Variants in DYSF observed in about 807,000 individuals in gnomAD.
DYSF encodes the protein dysferlin.
DYSF carries 212 observed loss-of-function variants against 274.9 expected under a neutral mutation model. The ratio of observed to expected loss-of-function variants is 0.77; its 90% CI spans 0.69 to 0.86. The LOEUF (loss-of-function observed/expected upper bound fraction) is 0.86. Among genes scored for constraint, DYSF ranks in the 40% least tolerant of loss-of-function variants. DYSF has a pLI of 0.00. For missense variants in DYSF, 2,666 were observed against 2,783.2 expected, an observed-to-expected ratio of 0.96 and a Z score of 0.95; for synonymous variants, 1,091 against 1,078.7, an observed-to-expected ratio of 1.01 and a Z score of -0.22.
In DYSF at chr2:71,656,130, T is replaced by G. The variant is rs551857506; in HGVS notation, c.4627-32T>G. Reference sequence around the variant, plus strand: ...TGTTGTTCTACTTTCTTTCTGTCTCTTGTCCCCTCCTCTAATCCCCATGTG... The same window carrying G: ...TGTTGTTCTACTTTCTTTCTGTCTCGTGTCCCCTCCTCTAATCCCCATGTG... On this transcript the variant is annotated intron_variant, in intron 42 of 55. Transcript: ENST00000410020. The G allele has an allele frequency of 2.0e-5, 32 of 1,614,014 alleles. No homozygotes were observed. The South Asian group carries it at 3.2e-4, about 16-fold the overall frequency.
intron 41 of DYSF, among the ~76,000 whole-genome samples, chr2:71,637,967 G>A (rs544561614): frequency 3.0e-4 from 45 of 152,236 alleles, no homozygotes; most frequent in Non-Finnish European, 5.6e-4. Flanking sequence ...TAGGCCATTC[G>A]TCTCAGCAGC....
At chr2:71,547,415 A>G (rs1331232876) in intron 17 of DYSF, among the ~76,000 whole-genome samples, 1 of 152,176 alleles carries the variant, frequency 6.6e-6, no homozygotes, top group Non-Finnish European at 1.5e-5. Flanking sequence ...TGGGAGGCTG[A>G]GGTGGGTGGA....
chr2:71,469,447 A>C (rs972578825), intron 1 of DYSF, among the ~76,000 whole-genome samples: 2 of 137,226 alleles, frequency 1.5e-5, no homozygotes, highest in African/African-American at 5.3e-5. Flanking sequence ...TTGAATGTGC[A>C]GTCAGGGTTG....
At position 71,664,367 on chromosome 2, in the gene DYSF, G is replaced by C; in HGVS notation, c.5103G>C (p.Thr1701=). The C allele has an allele frequency of 1.2e-6, 2 of 1,614,170 alleles. No homozygotes were observed. The highest frequency in any genetic ancestry group is 1.7e-6 in the Non-Finnish European group (2 of 1,180,040). ...CCAAGGACGAAAAGATCGGTGAGAC[G>C]GTCGTCGACCTGGAGAACAGGCTGC... The part of the protein sequence containing the change: ...LLSKDEKIGE[T]VVDLENRLLS... The change falls in exon 46 of 56, where the codon ACG becomes ACC. Residue 1701 remains threonine, a synonymous_variant. Coordinates refer to ENST00000410020, the MANE Select transcript of DYSF (RefSeq NM_001130987.2).
intron 30 of DYSF, among the ~76,000 whole-genome samples, chr2:71,579,347 C>T (rs548030334): frequency 6.6e-6 from 1 of 152,226 alleles, no homozygotes; most frequent in African/African-American, 2.4e-5. Flanking sequence ...GGGACAGAAA[C>T]GTCGGCAACG....
intron 10 of DYSF, among the ~76,000 whole-genome samples, chr2:71,518,098 G>A (rs2086846751): frequency 6.6e-6 from 1 of 152,108 alleles, no homozygotes; most frequent in Non-Finnish European, 1.5e-5. Context: ...GGAGGGAGAG[G>A]CAGTGGAGAG....
chr2:71,620,264 C>T lies in DYSF; in HGVS notation c.4465-283C>T, dbSNP rs114171096. ...TCCACGTGCCTTGCCTTGTGCTGGG[C>T]GTGCACAGCCTTCGTCTCATTCATA... On this transcript the variant is annotated intron_variant, in intron 40 of 55. Transcript: ENST00000410020. Among the ~76,000 whole-genome samples the T allele has an allele frequency of 4.0e-3, 607 of 152,290 alleles. 2 individuals are homozygous for T. The highest frequency in any genetic ancestry group is 0.014 in the African/African-American group (584 of 41,556).
chr2:71,587,738 C>T (rs2093120215), intron 30 of DYSF, among the ~76,000 whole-genome samples: 1 of 152,204 alleles, frequency 6.6e-6, no homozygotes, highest in African/African-American at 2.4e-5. Context: ...AGGGCCAGAA[C>T]TGGAGCCCGA....
intron 16 of DYSF, among the ~76,000 whole-genome samples, chr2:71,536,746 G>A (rs1490262324): frequency 6.6e-6 from 1 of 152,172 alleles, no homozygotes; most frequent in Admixed American, 6.5e-5. Context: ...CAGACTTGCT[G>A]TATTTTCCAA....
chr2:71,502,516 G>T (rs1242338733), intron 3 of DYSF, among the ~76,000 whole-genome samples: 2 of 152,118 alleles, frequency 1.3e-5, no homozygotes, highest in African/African-American at 4.8e-5. Context: ...TATATGGTGA[G>T]CCCACTTCAT....
chr2:71,605,360 A>T (rs1292198369), intron 36 of DYSF, among the ~76,000 whole-genome samples: 3 of 152,212 alleles, frequency 2.0e-5, no homozygotes, highest in African/African-American at 7.2e-5. Flanking sequence ...GAATGTGTGC[A>T]TGCACGTGTG....
intron 32 of DYSF, among the ~76,000 whole-genome samples, chr2:71,592,896 A>G (rs1316743950): frequency 1.3e-5 from 2 of 152,122 alleles, no homozygotes; most frequent in Non-Finnish European, 2.9e-5. Context: ...CCCAGAAAAC[A>G]CTTGTTGAAT....
In DYSF at chr2:71,611,548, C is replaced by T. The variant is rs145412880; in HGVS notation, c.4143C>T (p.Gly1381=). 1,040 of 1,613,888 alleles carry T rather than the reference C, an allele frequency of 6.4e-4. 2 individuals carry two copies. Among genetic ancestry groups the T allele is most frequent in the Non-Finnish European group, 8.5e-4 (1,002 of 1,180,008 alleles). Residue 1381 remains glycine (G), a synonymous_variant, in exon 38 of 56, where the codon GGC becomes GGT. Transcript: ENST00000410020. ...SSPSLVVECG[G]QTVQSCVIRN... ...CCAGCCTCGTGGTAGAGTGTGGGGG[C>T]CAGACGGTGCAGTCCTGTGTCATCA...
At chr2:71,636,636 T>G (rs866824955) in intron 41 of DYSF, among the ~76,000 whole-genome samples, 1 of 152,096 alleles carries the variant, frequency 6.6e-6, no homozygotes, top group African/African-American at 2.4e-5. Flanking sequence ...CAGTGGGAGA[T>G]GTCACATGGG....
intron 14 of DYSF, among the ~76,000 whole-genome samples, chr2:71,528,609 G>A (rs542244884): frequency 6.6e-6 from 1 of 152,318 alleles, no homozygotes; most frequent in East Asian, 1.9e-4. Context: ...GTCTGCCTGG[G>A]GGTGTCCCAG....
Position 71,664,513 on chromosome 2 carries a change from C to G in DYSF, c.5174+75C>G, listed in dbSNP as rs903206721. The G allele has an allele frequency of 2.7e-5, 43 of 1,573,342 alleles. 1 individual carries two copies. The Admixed American group carries it at 6.2e-4, about 23-fold the overall frequency. On this transcript the variant is annotated intron_variant, in intron 46 of 55. Transcript: ENST00000410020. ...TGTCTTCTCTGACAACACACCACCACTGAGCACTTACTGTGTGCCAGCCCT... is the reference window on the plus strand; with the variant it reads ...TGTCTTCTCTGACAACACACCACCAGTGAGCACTTACTGTGTGCCAGCCCT...
chr2:71,492,315 G>A (rs1391970439), intron 3 of DYSF, among the ~76,000 whole-genome samples: 4 of 152,160 alleles, frequency 2.6e-5, no homozygotes, highest in African/African-American at 7.2e-5. Flanking sequence ...TGCCTGGCAC[G>A]CATAGCGGAG....
intron 23 of DYSF, among the ~76,000 whole-genome samples, chr2:71,563,706 G>T (rs1487090233): frequency 6.6e-6 from 1 of 152,154 alleles, no homozygotes; most frequent in Non-Finnish European, 1.5e-5. Flanking sequence ...TCTGATGTTT[G>T]CCCCCTGGGA....
At chr2:71,605,238 T>G (rs937960980) in intron 36 of DYSF, among the ~76,000 whole-genome samples, 6 of 152,244 alleles carry the variant, frequency 3.9e-5, no homozygotes, top group African/African-American at 1.4e-4. Flanking sequence ...CCGCCTCTTC[T>G]GAGCCCTCTG....
Sources: allele counts gnomAD v4.1 joint callset (sites outside exome capture counted in the v4.1 genomes callset), GRCh38; gene constraint gnomAD v4.1.1; transcripts MANE v1.5; gene names NCBI Gene and HGNC (gene_info 2026-07-23, HGNC 2026-07-21).